Variants in RBFOX3 observed in about 807,000 individuals in gnomAD.
RBFOX3 encodes the protein RNA binding protein fox-1 homolog 3.
In RBFOX3, 17 loss-of-function variants were observed where a neutral mutation model predicts 48.7. That is an observed-to-expected ratio of 0.35 (90% CI 0.24 to 0.52). The LOEUF is 0.52. Among genes scored for constraint, RBFOX3 ranks in the 20% least tolerant of loss-of-function variants. RBFOX3 has a pLI of 0.94. For missense variants in RBFOX3, 382 were observed against 497.5 expected, an observed-to-expected ratio of 0.77 and a Z score of 2.21; for synonymous variants, 212 against 209.5, an observed-to-expected ratio of 1.01 and a Z score of -0.10.
rs776496497 is a variant in RBFOX3 at position 79,273,781 on chromosome 17, G to A, written c.-74+33943C>T. On this transcript the variant is annotated intron_variant, in intron 3 of 14. Coordinates refer to ENST00000693108, the MANE Select transcript of RBFOX3 (RefSeq NM_001350451.2). Reference sequence around the variant, plus strand: ...TTCAGTGCAAAAACAGTTAAAGTCCGAGGACAGAAAGAGCTGGGCTGCAGG... The same window carrying A: ...TTCAGTGCAAAAACAGTTAAAGTCCAAGGACAGAAAGAGCTGGGCTGCAGG... Among the ~76,000 whole-genome samples, 98 of 152,310 alleles carry A rather than the reference G, an allele frequency of 6.4e-4. 1 individual carries two copies. The highest frequency in any genetic ancestry group is 3.4e-3 in the Middle Eastern group (1 of 294).
At chr17:79,573,679 C>T (rs1468597398) in intron 1 of RBFOX3, among the ~76,000 whole-genome samples, 1 of 152,194 alleles carries the variant, frequency 6.6e-6, no homozygotes, top group African/African-American at 2.4e-5. Context: ...ATGATTCAAG[C>T]CTAGCTGTGT....
chr17:79,517,804 C>T (rs935332200), intron 1 of RBFOX3, among the ~76,000 whole-genome samples: 1 of 152,164 alleles, frequency 6.6e-6, no homozygotes, highest in Non-Finnish European at 1.5e-5. Context: ...GCTTCTGAGA[C>T]ACATGATCTC....
chr17:79,237,841 C>G (rs1372785892), intron 3 of RBFOX3, among the ~76,000 whole-genome samples: 1 of 152,216 alleles, frequency 6.6e-6, no homozygotes, highest in Non-Finnish European at 1.5e-5. Flanking sequence ...CTGAGAAGGG[C>G]AGGTGTGATT....
intron 2 of RBFOX3, among the ~76,000 whole-genome samples, chr17:79,412,300 A>G (rs1391968560): frequency 1.3e-5 from 2 of 150,400 alleles, no homozygotes; most frequent in African/African-American, 2.5e-5. Context: ...GTGTGTATGT[A>G]TGTGGGCATG....
chr17:79,332,713 A>ACAG lies in RBFOX3; in HGVS notation c.-174-24890_-174-24889insCTG, dbSNP rs1568058777. Reference sequence around the variant, plus strand: ...ACGGAGACAGAGAGAGAGAGACAGAAAGACAGAGCCTGAGAGACAAAGAGA... The same window carrying ACAG: ...ACGGAGACAGAGAGAGAGAGACAGAACAGAGACAGAGCCTGAGAGACAAAGAGA... On this transcript the variant is annotated intron_variant, in intron 2 of 14. Transcript: ENST00000693108. 2.3e-4 allele frequency among the ~76,000 whole-genome samples: 30 copies of ACAG among 133,190 alleles called. 1 individual carries two copies. Among genetic ancestry groups the ACAG allele is most frequent in the Admixed American group, 2.0e-3 (26 of 12,912 alleles). 87.4% of individuals were successfully genotyped at this position (133,190 alleles called of 152,430 possible).
chr17:79,585,061 A>G lies in RBFOX3; in HGVS notation c.-320+25765T>C, dbSNP rs928900099. ...ATTACAGGCGTGAGCCACGGCGCCC[A>G]GCCGATAAATTGGATTTTGGGGACT... On this transcript the variant is annotated intron_variant, in intron 1 of 14. Transcript: ENST00000693108. Among the ~76,000 whole-genome samples, 118 of 151,572 alleles carry G rather than the reference A, an allele frequency of 7.8e-4. 2 individuals carry two copies. In the South Asian group the frequency reaches 0.019, roughly 24 times the overall value.
Position 79,333,879 on chromosome 17 carries a change from T to C in RBFOX3, c.-174-26055A>G, listed in dbSNP as rs904705063. On this transcript the variant is annotated intron_variant, in intron 2 of 14. Transcript: ENST00000693108. ...CCTCAAGAGGCATCATCCTGGGACC[T>C]TCCCCCTCTCCCAGATGCCGAGGTG... is the stretch of plus-strand genomic sequence containing the variant. Among the ~76,000 whole-genome samples, 5 of 152,058 alleles carry C rather than the reference T, an allele frequency of 3.3e-5. No individual in the cohort carries two copies. The South Asian group carries it at 1.0e-3, about 32-fold the overall frequency.
intron 2 of RBFOX3, among the ~76,000 whole-genome samples, chr17:79,329,716 C>G (rs927464937): frequency 2.0e-5 from 3 of 152,170 alleles, no homozygotes; most frequent in Admixed American, 6.5e-5. Context: ...CAGGAAGACA[C>G]AGAGGCACCC....
chr17:79,393,423 C>T (rs2061584282), intron 2 of RBFOX3, among the ~76,000 whole-genome samples: 1 of 152,264 alleles, frequency 6.6e-6, no homozygotes, highest in Non-Finnish European at 1.5e-5. Context: ...TGAGCAGCCG[C>T]AGGGAAACGC....
At chr17:79,640,449 C>G in the RBFOX3 span, among the ~76,000 whole-genome samples, 1 of 152,040 alleles carries the variant, frequency 6.6e-6, no homozygotes, top group East Asian at 1.9e-4. Flanking sequence ...TTTACAAAAA[C>G]GAAAAAATAA....
intron 1 of RBFOX3, among the ~76,000 whole-genome samples, chr17:79,588,131 C>G (rs1432009807): frequency 6.6e-6 from 1 of 152,160 alleles, no homozygotes; most frequent in African/African-American, 2.4e-5. Flanking sequence ...CCTTACTTGG[C>G]CTGAGTTGGG....
chr17:79,106,883 C>CA, intron 5 of RBFOX3, 95 bp from the exon 6 acceptor site: 1 of 1,195,086 alleles, frequency 8.4e-7, no homozygotes. Context: ...AGGCCAGATT[C>CA]TCCCCACCCT....
At chr17:79,265,751 G>A (rs1473546901) in intron 3 of RBFOX3, among the ~76,000 whole-genome samples, 1 of 152,158 alleles carries the variant, frequency 6.6e-6, no homozygotes, top group Non-Finnish European at 1.5e-5. Context: ...CGGAGATTTA[G>A]TGGGCTGGGA....
At chr17:79,182,104 T>C (rs1194693870) in intron 4 of RBFOX3, among the ~76,000 whole-genome samples, 1 of 152,096 alleles carries the variant, frequency 6.6e-6, no homozygotes, top group Non-Finnish European at 1.5e-5. Context: ...GCCAAGTTCC[T>C]TGGGGTGGGC....
rs2078492790 is a variant in RBFOX3 at position 79,479,681 on chromosome 17, T to C, written c.-175+2773A>G. On this transcript the variant is annotated intron_variant, in intron 2 of 14. Transcript: ENST00000693108. The surrounding 1 kb of genome is among the most constrained non-coding windows in gnomAD (Gnocchi z 5.1). Reference sequence around the variant, plus strand: ...CTCCCTCGGGGGTGGGCTGGTCTTGTACTTTCACTGTTGATGACCCCGAGG... The same window carrying C: ...CTCCCTCGGGGGTGGGCTGGTCTTGCACTTTCACTGTTGATGACCCCGAGG... 6.6e-6 allele frequency among the ~76,000 whole-genome samples: 1 copy of C among 152,204 alleles called. No individual in the cohort carries two copies. The highest frequency in any genetic ancestry group is 6.5e-5 in the Admixed American group (1 of 15,288).
Position 79,423,440 on chromosome 17 carries a change from G to A in RBFOX3, c.-175+59014C>T, listed in dbSNP as rs567930152. Among the ~76,000 whole-genome samples, 7 of 152,126 alleles carry A rather than the reference G, an allele frequency of 4.6e-5. No individual in the cohort carries two copies. In the East Asian group the frequency reaches 5.8e-4, roughly 13 times the overall value. On this transcript the variant is annotated intron_variant, in intron 2 of 14. Transcript: ENST00000693108. This position sits in a 1 kb window ranked among gnomAD's most constrained non-coding sequence, Gnocchi z 4.9. ...GGACGTTTGCTATCTCTCTACCTCC[G>A]TGCCCAGCCCCCGGCTATTCTCAGC...
chr17:79,187,227 A>G (rs575700674), intron 4 of RBFOX3, among the ~76,000 whole-genome samples: 33 of 152,274 alleles, frequency 2.2e-4, no homozygotes, highest in Middle Eastern at 3.4e-3. Context: ...GCAAGTGGCA[A>G]ATCATAGTAG....
Position 79,473,105 on chromosome 17 carries a change from G to A in RBFOX3, c.-175+9349C>T, listed in dbSNP as rs2077247087. Among the ~76,000 whole-genome samples the A allele has an allele frequency of 6.6e-6, 1 of 150,744 alleles. No individual in the cohort carries two copies. On this transcript the variant is annotated intron_variant, in intron 2 of 14. Coordinates refer to ENST00000693108, the MANE Select transcript of RBFOX3 (RefSeq NM_001350451.2). This position sits in a 1 kb window ranked among gnomAD's most constrained non-coding sequence, Gnocchi z 4.2. ...AAGGCATACAAAACACAAAGCCCAG[G>A]TTCTTAACGATTAGACTCATCAGAC...
chr17:79,137,516 C>A (rs576454252), intron 4 of RBFOX3, among the ~76,000 whole-genome samples: 24 of 152,326 alleles, frequency 1.6e-4, no homozygotes, highest in Admixed American at 1.4e-3. Flanking sequence ...AGCAGTGCAC[C>A]TGCACACCTA....
Sources: allele counts gnomAD v4.1 joint callset (sites outside exome capture counted in the v4.1 genomes callset), GRCh38; gene constraint gnomAD v4.1.1; non-coding constraint Gnocchi (gnomAD v3.1); transcripts MANE v1.5; gene names NCBI Gene and HGNC (gene_info 2026-07-23, HGNC 2026-07-21).